Variants in FER observed in about 807,000 individuals in gnomAD.
FER encodes FER tyrosine kinase.
FER carries 63 observed loss-of-function variants against 111.0 expected under a neutral mutation model. The ratio of observed to expected loss-of-function variants is 0.57; its 90% CI spans 0.46 to 0.70. FER has a LOEUF of 0.70. Ranked by LOEUF, FER falls within the 30% of genes least tolerant of loss-of-function variation. FER has a pLI of 0.00. For missense variants in FER, 914 were observed against 954.0 expected, an observed-to-expected ratio of 0.96 and a Z score of 0.55; for synonymous variants, 327 against 313.9, an observed-to-expected ratio of 1.04 and a Z score of -0.44.
chr5:109,053,195 C>T (rs963414236), intron 16 of FER, among the ~76,000 whole-genome samples: 7 of 151,988 alleles, frequency 4.6e-5, no homozygotes, highest in African/African-American at 1.4e-4. Context: ...ACCAGCCTGG[C>T]CAACATAGCG....
At chr5:108,946,704 ATATCACAG>A (rs529755788) in intron 11 of FER, among the ~76,000 whole-genome samples, 117 of 152,174 alleles carry the variant, frequency 7.7e-4, no homozygotes, top group African/African-American at 2.7e-3. Context: ...TGGGTTTGGC[ATATCACAG>A]TAGTGCTAGA....
intron 8 of FER, among the ~76,000 whole-genome samples, chr5:108,881,269 A>C (rs915706476): frequency 6.6e-6 from 1 of 152,178 alleles, no homozygotes; most frequent in Non-Finnish European, 1.5e-5. Context: ...ACAGTTCCCC[A>C]TAGCTTGGGA....
At chr5:108,885,058 G>A (rs371353716) in intron 9 of FER, among the ~76,000 whole-genome samples, 114 of 152,026 alleles carry the variant, frequency 7.5e-4, no homozygotes, top group African/African-American at 1.9e-3. Context: ...TAGAGTTAGG[G>A]AAGGCACGGC....
chr5:108,787,509 G>T (rs1754878706), intron 2 of FER, among the ~76,000 whole-genome samples: 1 of 152,186 alleles, frequency 6.6e-6, no homozygotes, highest in African/African-American at 2.4e-5. Context: ...CCAGTTCTAG[G>T]TGAAGTCCGT....
intron 13 of FER, among the ~76,000 whole-genome samples, chr5:109,004,157 A>T (rs1765199250): frequency 1.3e-5 from 2 of 152,184 alleles, no homozygotes; most frequent in African/African-American, 4.8e-5. Flanking sequence ...GGGCAGTAAG[A>T]ATCTAGAGCT....
At chr5:109,027,346 A>C (rs1227134576) in intron 13 of FER, among the ~76,000 whole-genome samples, 3 of 152,164 alleles carry the variant, frequency 2.0e-5, no homozygotes, top group Admixed American at 6.5e-5. Context: ...TGATTTAAAA[A>C]TGAAAATGTT....
intron 10 of FER, among the ~76,000 whole-genome samples, chr5:108,931,125 A>G (rs1387195453): frequency 2.0e-5 from 3 of 152,182 alleles, no homozygotes; most frequent in African/African-American, 7.2e-5. Context: ...GACCTGCTAT[A>G]TAGTGTTCAT....
intron 8 of FER, among the ~76,000 whole-genome samples, chr5:108,883,125 G>A (rs1202954978): frequency 6.6e-6 from 1 of 151,810 alleles, no homozygotes; most frequent in Non-Finnish European, 1.5e-5. Context: ...TGGTGAATAA[G>A]ACTCTAGACC....
chr5:109,108,081 T>C (rs982510448), intron 17 of FER, among the ~76,000 whole-genome samples: 1 of 152,190 alleles, frequency 6.6e-6, no homozygotes, highest in Non-Finnish European at 1.5e-5. Context: ...TGATGGGGCA[T>C]GTACTAAAAG....
At chr5:109,143,329 C>T (rs1753722045) in intron 17 of FER, among the ~76,000 whole-genome samples, 1 of 152,148 alleles carries the variant, frequency 6.6e-6, no homozygotes, top group African/African-American at 2.4e-5. Context: ...TGTCTTGTTG[C>T]CAACCTAAAA....
At chr5:108,810,911 G>A (rs1348153820) in intron 3 of FER, among the ~76,000 whole-genome samples, 4 of 151,960 alleles carry the variant, frequency 2.6e-5, no homozygotes, top group African/African-American at 7.3e-5. Flanking sequence ...GTCCGGGCAT[G>A]CAGGTTCTTT....
intron 16 of FER, among the ~76,000 whole-genome samples, chr5:109,071,966 C>T (rs923707375): frequency 5.3e-5 from 8 of 151,428 alleles, no homozygotes; most frequent in East Asian, 1.9e-4. Flanking sequence ...TGACGATGGT[C>T]TCGGTGGATA....
At chr5:108,920,641 C>A (rs952144683) in intron 10 of FER, among the ~76,000 whole-genome samples, 32 of 152,202 alleles carry the variant, frequency 2.1e-4, no homozygotes, top group Middle Eastern at 6.8e-3. Context: ...CCAAATCTGA[C>A]CTCTTGATAA....
intron 13 of FER, among the ~76,000 whole-genome samples, chr5:109,033,177 C>T (rs1203674875): frequency 1.3e-5 from 2 of 152,090 alleles, no homozygotes; most frequent in Non-Finnish European, 2.9e-5. Flanking sequence ...GCTACTATTC[C>T]TATTTCTTGG....
intron 17 of FER, among the ~76,000 whole-genome samples, chr5:109,108,500 A>G (rs536706155): frequency 6.6e-6 from 1 of 152,194 alleles, no homozygotes; most frequent in Admixed American, 6.5e-5. Context: ...TTTTCCTGGG[A>G]TGATTCATTC....
intron 14 of FER, among the ~76,000 whole-genome samples, chr5:109,040,947 C>T (rs1384422905): frequency 6.6e-6 from 1 of 152,024 alleles, no homozygotes; most frequent in African/African-American, 2.4e-5. Context: ...AATATAGGGA[C>T]AAGAGCCCAG....
At chr5:109,030,642 C>G (rs1408799171) in intron 13 of FER, among the ~76,000 whole-genome samples, 1 of 152,086 alleles carries the variant, frequency 6.6e-6, no homozygotes, top group Non-Finnish European at 1.5e-5. Flanking sequence ...TCTGGGCTGC[C>G]AGGTGTTTCA....
intron 17 of FER, among the ~76,000 whole-genome samples, chr5:109,150,455 A>C (rs1434250059): frequency 6.6e-6 from 1 of 152,036 alleles, no homozygotes; most frequent in African/African-American, 2.4e-5. Flanking sequence ...TTCCCCTTTT[A>C]TTACTCTCTC....
chr5:109,105,230 T>TTGTGTGTGTGTGTATG (rs1748755038), intron 17 of FER, among the ~76,000 whole-genome samples: 1 of 138,546 alleles, frequency 7.2e-6, no homozygotes, highest in Admixed American at 7.4e-5. Context: ...CAGCTTATAT[T>TTGTGTGTGTGTGTATG]TGTGTGTGTG....
Sources: gnomAD v4.1 joint callset for allele counts (sites outside exome capture counted in the v4.1 genomes callset) on GRCh38, gnomAD v4.1.1 for gene constraint, MANE v1.5 for transcripts, NCBI Gene and HGNC (gene_info 2026-07-23, HGNC 2026-07-21) for gene names.